Variants in IL1RAPL1 observed in about 807,000 individuals in gnomAD.
IL1RAPL1 encodes the protein interleukin 1 receptor accessory protein like 1.
Under a neutral mutation model 48.4 loss-of-function variants are expected in IL1RAPL1, and 3 were observed. That is an observed-to-expected ratio of 0.06 (90% CI 0.03 to 0.16). IL1RAPL1 has a LOEUF of 0.16. Ranked by LOEUF, IL1RAPL1 falls within the 10% of genes least tolerant of loss-of-function variation. The pLI, the probability that IL1RAPL1 is intolerant of heterozygous loss-of-function variation, is 1.00. For missense variants in IL1RAPL1, 349 were observed against 530.6 expected (o/e 0.66, Z 3.36); for synonymous variants, 185 against 187.7 (o/e 0.99, Z 0.12).
intron 5 of IL1RAPL1, among the ~76,000 whole-genome samples, chrX:29,438,309 T>C (rs984677907): frequency 3.6e-5 from 4 of 111,507 alleles, no homozygotes; most frequent in Non-Finnish European, 5.7e-5. Flanking sequence ...ATCAGTGTTA[T>C]TGATCTTTTC....
intron 5 of IL1RAPL1, among the ~76,000 whole-genome samples, chrX:29,615,200 G>A (rs1167530233): frequency 9.0e-6 from 1 of 111,685 alleles, no homozygotes; most frequent in East Asian, 2.8e-4. Flanking sequence ...TATCACACAC[G>A]GGAAAAATCG....
At chrX:29,834,012 C>T (rs1006802945) in intron 6 of IL1RAPL1, among the ~76,000 whole-genome samples, 9 of 112,043 alleles carry the variant, frequency 8.0e-5, no homozygotes, top group South Asian at 3.7e-4. Flanking sequence ...TTGTAGCCAT[C>T]GCCTCCACCA....
rs756353973 is a variant in IL1RAPL1, at chrX:29,897,015, C to G, written c.779-20449C>G. ...TTTGACCTAGCAAGTTGGCACATTA[C>G]AGAGCCAATACAATGCGTACTTTCA... On this transcript the variant is annotated intron_variant, in intron 6 of 10. Transcript: ENST00000378993. Among the ~76,000 whole-genome samples, 7 of 112,653 alleles carry G rather than the reference C, an allele frequency of 6.2e-5. No homozygotes were observed. In the South Asian group the frequency reaches 2.6e-3, roughly 42 times the overall value.
At chrX:29,380,977 T>C (rs955743240) in intron 3 of IL1RAPL1, among the ~76,000 whole-genome samples, 1 of 112,006 alleles carries the variant, frequency 8.9e-6, no homozygotes, top group Non-Finnish European at 1.9e-5. Flanking sequence ...ATTGAAACCA[T>C]GTAATTGTTG....
At chrX:29,083,023 G>GA (rs1927877060) in intron 2 of IL1RAPL1, among the ~76,000 whole-genome samples, 1 of 111,556 alleles carries the variant, frequency 9.0e-6, no homozygotes, top group Non-Finnish European at 1.9e-5. Context: ...GATAGCTGTG[G>GA]AAAAATAGCT....
chrX:29,810,755 C>G (rs909783142), intron 6 of IL1RAPL1, among the ~76,000 whole-genome samples: 1 of 111,110 alleles, frequency 9.0e-6, no homozygotes, highest in African/African-American at 3.3e-5. Context: ...CTGATTGTTT[C>G]TTAGGTGTTT....
chrX:29,885,495 G>C (rs186518114), intron 6 of IL1RAPL1, among the ~76,000 whole-genome samples: 64 of 111,378 alleles, frequency 5.7e-4, no homozygotes, highest in African/African-American at 1.7e-3. Context: ...AAGTAACTCA[G>C]TGAACATCAG....
intron 3 of IL1RAPL1, among the ~76,000 whole-genome samples, chrX:29,337,921 C>T (rs971887037): frequency 2.7e-5 from 3 of 111,356 alleles, no homozygotes; most frequent in East Asian, 2.8e-4. Context: ...GTGATCTGCC[C>T]GCCTTGGCCT....
intron 5 of IL1RAPL1, among the ~76,000 whole-genome samples, chrX:29,593,160 A>G (rs944633815): frequency 9.0e-6 from 1 of 111,178 alleles, no homozygotes; most frequent in African/African-American, 3.3e-5. Flanking sequence ...TGGTTGTCGT[A>G]TTAGCCTGAG....
At chrX:28,763,864 C>T (rs1936204612) in intron 1 of IL1RAPL1, among the ~76,000 whole-genome samples, 2 of 110,798 alleles carry the variant, frequency 1.8e-5, no homozygotes, top group Admixed American at 9.7e-5. Flanking sequence ...CTGTTCAACA[C>T]CAGAGGAAAA....
chrX:29,438,513 T>A (rs1934506883), intron 5 of IL1RAPL1, among the ~76,000 whole-genome samples: 1 of 111,113 alleles, frequency 9.0e-6, no homozygotes, highest in African/African-American at 3.3e-5. Context: ...TAAGTAAGCA[T>A]TTAGTACTGT....
intron 5 of IL1RAPL1, among the ~76,000 whole-genome samples, chrX:29,431,244 C>T (rs1934419446): frequency 8.9e-6 from 1 of 111,905 alleles, no homozygotes; most frequent in Admixed American, 9.5e-5. Flanking sequence ...TGTGCTCTAC[C>T]TCAGTAATTC....
intron 1 of IL1RAPL1, among the ~76,000 whole-genome samples, chrX:28,610,729 C>T (rs1039582339): frequency 1.8e-5 from 2 of 110,675 alleles, no homozygotes; most frequent in Non-Finnish European, 3.8e-5. Flanking sequence ...GTATACAGTC[C>T]TAGAAGTCAC....
intron 2 of IL1RAPL1, among the ~76,000 whole-genome samples, chrX:28,967,326 C>T (rs1276768907): frequency 9.0e-6 from 1 of 110,929 alleles, no homozygotes; most frequent in East Asian, 2.8e-4. Flanking sequence ...TCTTATATTA[C>T]TCTTTCAGCC....
intron 2 of IL1RAPL1, among the ~76,000 whole-genome samples, chrX:29,170,178 A>G (rs893080020): frequency 1.1e-4 from 12 of 111,717 alleles, no homozygotes; most frequent in Middle Eastern, 4.3e-3. Flanking sequence ...TATATCAACA[A>G]TGATCTTTTT....
chrX:29,023,222 C>T (rs1354456791), intron 2 of IL1RAPL1, among the ~76,000 whole-genome samples: 1 of 112,742 alleles, frequency 8.9e-6, no homozygotes, highest in Non-Finnish European at 1.9e-5. Context: ...GTTCAAGTGC[C>T]TGGCTGTTAA....
intron 1 of IL1RAPL1, among the ~76,000 whole-genome samples, chrX:28,777,164 C>A (rs763657525): frequency 9.0e-6 from 1 of 111,452 alleles, no homozygotes; most frequent in Non-Finnish European, 1.9e-5. Context: ...TTGCTTGCAT[C>A]TTCTAGTTCC....
At chrX:29,225,682 T>G (rs1187837162) in intron 2 of IL1RAPL1, among the ~76,000 whole-genome samples, 2 of 111,321 alleles carry the variant, frequency 1.8e-5, no homozygotes, top group Non-Finnish European at 3.8e-5. Flanking sequence ...ATTGGGCTGG[T>G]TAATATGATT....
intron 3 of IL1RAPL1, among the ~76,000 whole-genome samples, chrX:29,320,494 G>A (rs1602169014): frequency 8.9e-6 from 1 of 112,240 alleles, no homozygotes; most frequent in South Asian, 3.7e-4. Context: ...TGAATATTAT[G>A]CCGGGCACGG....
Sources: gnomAD v4.1 joint callset for allele counts (sites outside exome capture counted in the v4.1 genomes callset) on GRCh38, gnomAD v4.1.1 for gene constraint, MANE v1.5 for transcripts, NCBI Gene and HGNC (gene_info 2026-07-23, HGNC 2026-07-21) for gene names.